PTPRD: variants seen among roughly 807,000 people sequenced by gnomAD.
PTPRD encodes protein tyrosine phosphatase receptor type D.
PTPRD carries 34 observed loss-of-function variants against 214.5 expected under a neutral mutation model. The observed-to-expected ratio is 0.16, with a 90% CI of 0.12 to 0.21. PTPRD has a LOEUF of 0.21. Among genes scored for constraint, PTPRD ranks in the 10% least tolerant of loss-of-function variants. The pLI, the probability that PTPRD is intolerant of heterozygous loss-of-function variation, is 1.00. For missense variants in PTPRD, 2,545 were observed against 2,398.7 expected (o/e 1.06, Z -1.27); for synonymous variants, 1,128 against 845.7 (o/e 1.33, Z -5.79).
intron 3 of PTPRD, among the ~76,000 whole-genome samples, chr9:10,188,139 C>T (rs140710968): frequency 2.8e-4 from 43 of 152,182 alleles, no homozygotes; most frequent in Non-Finnish European, 4.1e-4. Flanking sequence ...TTCATTTATG[C>T]GGTTTGTCCC....
chr9:9,730,920 T>C (rs2098178840), intron 7 of PTPRD, among the ~76,000 whole-genome samples: 1 of 152,132 alleles, frequency 6.6e-6, no homozygotes, highest in Admixed American at 6.5e-5. Flanking sequence ...GTGTACATCA[T>C]TGTGCATATG....
intron 2 of PTPRD, among the ~76,000 whole-genome samples, chr9:10,429,730 CA>C (rs1266599722): frequency 2.7e-5 from 4 of 147,846 alleles, no homozygotes; most frequent in East Asian, 2.0e-4. Context: ...AATGAAGACT[CA>C]GGGGGCTAAG....
At chr9:9,998,990 C>G (rs1363816219) in intron 4 of PTPRD, among the ~76,000 whole-genome samples, 1 of 151,916 alleles carries the variant, frequency 6.6e-6, no homozygotes, top group Non-Finnish European at 1.5e-5. Context: ...CAGGGGACAT[C>G]GAAAGGAAAC....
chr9:8,727,744 C>T (rs918617584), intron 12 of PTPRD, among the ~76,000 whole-genome samples: 5 of 152,248 alleles, frequency 3.3e-5, no homozygotes, highest in East Asian at 1.9e-4. Flanking sequence ...TGGCCTTAAA[C>T]TGGGCTCAAG....
intron 8 of PTPRD, among the ~76,000 whole-genome samples, chr9:9,520,277 A>G (rs1489590407): frequency 1.3e-5 from 1 of 76,324 alleles, no homozygotes; most frequent in Non-Finnish European, 3.9e-5. Flanking sequence ...ATATATATAT[A>G]TATATTAAGT....
intron 7 of PTPRD, among the ~76,000 whole-genome samples, chr9:9,698,999 T>C (rs1230576632): frequency 6.6e-6 from 1 of 152,194 alleles, no homozygotes; most frequent in African/African-American, 2.4e-5. Context: ...AAAACGATTG[T>C]CTTTGGCATG....
intron 3 of PTPRD, among the ~76,000 whole-genome samples, chr9:10,229,558 T>A (rs1255558634): frequency 6.6e-6 from 1 of 152,034 alleles, no homozygotes; most frequent in Non-Finnish European, 1.5e-5. Context: ...TGTAGGGACA[T>A]GGATGAAGCT....
At chr9:8,808,580 T>A (rs1032426319) in intron 11 of PTPRD, among the ~76,000 whole-genome samples, 1 of 151,182 alleles carries the variant, frequency 6.6e-6, no homozygotes, top group East Asian at 2.0e-4. Context: ...TGGTTAATCC[T>A]GGCCCACTGT....
intron 11 of PTPRD, among the ~76,000 whole-genome samples, chr9:8,901,798 T>G (rs2154252040): frequency 6.6e-6 from 1 of 152,358 alleles, no homozygotes; most frequent in East Asian, 1.9e-4. Context: ...GTCCTTGGTC[T>G]GACTTTATAA....
chr9:10,278,900 G>A (rs368205079), intron 3 of PTPRD, among the ~76,000 whole-genome samples: 5 of 151,938 alleles, frequency 3.3e-5, no homozygotes, highest in East Asian at 1.9e-4. Context: ...TCAGCCTCCC[G>A]AGTAGCTGGG....
chr9:8,784,932 A>G (rs1476602020), intron 11 of PTPRD, among the ~76,000 whole-genome samples: 1 of 152,208 alleles, frequency 6.6e-6, no homozygotes, highest in Non-Finnish European at 1.5e-5. Flanking sequence ...CTTCCATGAT[A>G]AGGTCAAATT....
Position 9,998,129 on chromosome 9 carries a change from A to AT in PTPRD, c.-472+35588_-472+35589insA, listed in dbSNP as rs1555449230. 3.0e-3 allele frequency among the ~76,000 whole-genome samples: 277 copies of AT among 91,450 alleles called. 4 individuals are homozygous for AT. The South Asian group carries it at 0.036, about 12-fold the overall frequency. The allele number at this position is 91,450 out of a possible 152,430, so 60.0% of individuals were successfully genotyped here. On this transcript the variant is annotated intron_variant, in intron 4 of 45. Coordinates refer to ENST00000381196, the MANE Select transcript of PTPRD (RefSeq NM_002839.4). ...TTAAAGTATAATAAAAAAAAAAAAA[A>AT]ATATATATATATATATAAAAGAAGA...
intron 2 of PTPRD, among the ~76,000 whole-genome samples, chr9:10,376,152 G>T (rs2097723980): frequency 6.6e-6 from 1 of 151,840 alleles, no homozygotes; most frequent in South Asian, 2.1e-4. Context: ...ATTAGGTAAA[G>T]GTTATAAGAC....
At chr9:9,969,347 C>G (rs1326782844) in intron 4 of PTPRD, among the ~76,000 whole-genome samples, 7 of 152,100 alleles carry the variant, frequency 4.6e-5, no homozygotes, top group Non-Finnish European at 7.4e-5. Context: ...TCTCTTTCCT[C>G]CTCAACTTCC....
chr9:8,473,302 C>G (rs754804845), intron 30 of PTPRD, among the ~76,000 whole-genome samples: 1 of 152,154 alleles, frequency 6.6e-6, no homozygotes, highest in African/African-American at 2.4e-5. Flanking sequence ...AAGGCAGAGG[C>G]TTCTCTGCGT....
At chr9:10,037,281 G>T (rs968947507) in intron 3 of PTPRD, among the ~76,000 whole-genome samples, 3 of 152,106 alleles carry the variant, frequency 2.0e-5, no homozygotes, top group East Asian at 1.9e-4. Context: ...GTGGGGCCTG[G>T]TGGGAGGTGA....
At chr9:9,856,733 G>C (rs1044201342) in intron 5 of PTPRD, among the ~76,000 whole-genome samples, 3 of 152,164 alleles carry the variant, frequency 2.0e-5, no homozygotes, top group African/African-American at 2.4e-5. Context: ...GCAGCAGCGG[G>C]ATACTTTTCT....
At chr9:8,389,603 A>C (rs1189011345) in intron 36 of PTPRD, among the ~76,000 whole-genome samples, 196 bp from the exon 37 acceptor site, 1 of 152,170 alleles carries the variant, frequency 6.6e-6, no homozygotes, top group Admixed American at 6.5e-5. Flanking sequence ...GTATGCAAAA[A>C]AGTGTCAGGT....
At chr9:10,344,591 G>A (rs1274879254) in intron 2 of PTPRD, among the ~76,000 whole-genome samples, 2 of 152,096 alleles carry the variant, frequency 1.3e-5, no homozygotes, top group Non-Finnish European at 2.9e-5. Context: ...GCTTGATGAG[G>A]ATGGCATTGA....
Sources: allele counts gnomAD v4.1 joint callset (sites outside exome capture counted in the v4.1 genomes callset), GRCh38; gene constraint gnomAD v4.1.1; transcripts MANE v1.5; gene names NCBI Gene and HGNC (gene_info 2026-07-23, HGNC 2026-07-21).